MCMBP: variants seen among roughly 807,000 people sequenced by gnomAD.
MCMBP encodes minichromosome maintenance complex binding protein, also known as mini-chromosome maintenance complex-binding protein.
In MCMBP, 31 loss-of-function variants were observed where a neutral mutation model predicts 81.3. That is an observed-to-expected ratio of 0.38 (90% CI 0.29 to 0.51). The LOEUF is 0.51. Among genes scored for constraint, MCMBP ranks in the 20% least tolerant of loss-of-function variants. The pLI is 0.87. For synonymous variants in MCMBP, 267 were observed against 275.9 expected (o/e 0.97, Z 0.32); for missense variants, 645 against 772.1 (o/e 0.84, Z 1.95).
At position 119,831,569 on chromosome 10, in the gene MCMBP, G is replaced by A. The variant is rs1214711782; in HGVS notation, c.1828C>T (p.Leu610=). The A allele has an allele frequency of 1.2e-6, 2 of 1,613,858 alleles. No homozygotes were observed. The highest frequency in any genetic ancestry group is 8.5e-7 in the Non-Finnish European group (1 of 1,179,930). The change falls in exon 16 of 16, where the codon CTG becomes TTG. Residue 610 remains leucine (L), a synonymous_variant. Transcript: ENST00000369077. ...GCTCTCAGCCATCGTTCTCTTGACA[G>A]CGTTGTCTGACCAGCACTGAGAGAC... ...CLSLSAGQTT[L]SRERWLRAKQ... is the part of the protein sequence containing the mutation.
rs758779529 is a variant in MCMBP at position 119,835,628 on chromosome 10, G to A, written c.1619C>T (p.Ala540Val). ...MEEYMNSLLS[A>V]VLPSVLNKFR... ...TTTGTTCAGCACGGAAGGCAGCACCGCTGAGAGAAGGCTGTTCATGTACTC... is the reference window on the plus strand; with the variant it reads ...TTTGTTCAGCACGGAAGGCAGCACCACTGAGAGAAGGCTGTTCATGTACTC... The change falls in exon 14 of 16, where the codon GCG becomes GTG. Residue 540 changes from alanine to valine, a missense_variant. Coordinates refer to ENST00000369077, the MANE Select transcript of MCMBP (RefSeq NM_001256378.2). The A allele has an allele frequency of 9.9e-6, 16 of 1,614,060 alleles. No individual in the cohort carries two copies. Among genetic ancestry groups the A allele is most frequent in the East Asian group, 4.5e-5 (2 of 44,898 alleles).
At chr10:119,857,282 A>T (rs1853087774) in intron 5 of MCMBP, 56 bp downstream of exon 5, 2 of 1,258,630 alleles carry the variant, frequency 1.6e-6, no homozygotes, top group Admixed American at 2.1e-5. Flanking sequence ...AAGAATAATT[A>T]AAGGCTAAGT....
At chr10:119,838,408 A>G (rs2134345651) in intron 12 of MCMBP, 127 bp downstream of exon 12, 2 of 842,182 alleles carry the variant, frequency 2.4e-6, no homozygotes, top group South Asian at 4.5e-5. Context: ...TCAAATTCAT[A>G]TGCCAAGCCT....
Position 119,853,329 on chromosome 10 carries a change from G to GC in MCMBP, c.430-136_430-135insG, listed in dbSNP as rs1319464990. Reference sequence around the variant, plus strand: ...AATGCATTTTCATAAAAGGAGGCTAGACTTCCAGTTCTGGTCATGAGAATA... The same window carrying GC: ...AATGCATTTTCATAAAAGGAGGCTAGCACTTCCAGTTCTGGTCATGAGAATA... On this transcript the variant is annotated intron_variant, in intron 5 of 15. Coordinates refer to ENST00000369077, the MANE Select transcript of MCMBP (RefSeq NM_001256378.2). 4 of 849,482 alleles carry GC rather than the reference G, an allele frequency of 4.7e-6. No homozygotes were observed. The East Asian group carries it at 8.0e-5, about 17-fold the overall frequency. The allele number at this position is 849,482 out of a possible 1,614,324, so 52.6% of individuals were successfully genotyped here. A position where few individuals can be genotyped will look rare whatever the true frequency, so the allele number is the denominator to read the frequency against.
chr10:119,843,219 T>G, intron 9 of MCMBP, 35 bp downstream of exon 9: 1 of 1,611,776 alleles, frequency 6.2e-7, no homozygotes, highest in South Asian at 1.1e-5. Flanking sequence ...AGGCTAACAG[T>G]CGATAGTTGA....
Position 119,859,095 on chromosome 10 carries a change from G to A in MCMBP, c.231C>T (p.Asp77=). The A allele has an allele frequency of 6.2e-7, 1 of 1,613,836 alleles. No homozygotes were observed. Among genetic ancestry groups the A allele is most frequent in the South Asian group, 1.1e-5 (1 of 91,064 alleles). ...KFRCMIQDMF[D]PEFYMGVYET... is the part of the protein sequence containing the mutation. Reference sequence around the variant, plus strand: ...CATAAACTCCCATGTAAAACTCAGGGTCAAACATATCCTGAATCATGCAAC... The same window carrying A: ...CATAAACTCCCATGTAAAACTCAGGATCAAACATATCCTGAATCATGCAAC... Residue 77 remains aspartate (D), a synonymous_variant, in exon 3 of 16, where the codon GAC becomes GAT. Transcript: ENST00000369077.
At chr10:119,859,932 AT>A (rs1233235125) in intron 1 of MCMBP, 48 bp from the exon 2 acceptor site, 2 of 1,363,898 alleles carry the variant, frequency 1.5e-6, no homozygotes. Flanking sequence ...GCAATATATA[AT>A]AAAAGACTAT....
At position 119,853,061 on chromosome 10, in the gene MCMBP, G is replaced by A. The variant is rs764047042; in HGVS notation, c.563C>T (p.Ala188Val). 2 of 1,614,062 alleles carry A rather than the reference G, an allele frequency of 1.2e-6. No individual in the cohort carries two copies. The highest frequency in any genetic ancestry group is 1.7e-6 in the Non-Finnish European group (2 of 1,179,960). Reference sequence around the variant, plus strand: ...TTGGCACACACTACCTGCTTGTCTGGCACCTGCATGTTGGTCTTTCTGCTT... The same window carrying A: ...TTGGCACACACTACCTGCTTGTCTGACACCTGCATGTTGGTCTTTCTGCTT... ...PNKQKDQHAG[A>V]RQAGSVGGLQ... Residue 188 changes from alanine to valine, a missense_variant, in exon 6 of 16, where the codon GCC (alanine) becomes GTC (valine). Transcript: ENST00000369077.
chr10:119,860,948 G>A (rs1433219983), intron 1 of MCMBP, among the ~76,000 whole-genome samples: 8 of 152,198 alleles, frequency 5.3e-5, no homozygotes, highest in African/African-American at 7.2e-5. Context: ...ACTCTACTGT[G>A]TAGTTACTAT....
chr10:119,863,590 G>A (rs1296559273), intron 1 of MCMBP, among the ~76,000 whole-genome samples: 22 of 151,862 alleles, frequency 1.4e-4, no homozygotes, highest in African/African-American at 4.8e-4. Flanking sequence ...TTAGCCGGGC[G>A]TGGTGGCACA....
Position 119,831,400 on chromosome 10 carries a change from G to A in MCMBP, c.*74C>T. On this transcript the variant is annotated 3_prime_UTR_variant, in exon 16 of 16. Coordinates refer to ENST00000369077, the MANE Select transcript of MCMBP (RefSeq NM_001256378.2). ...ATAGAAATTACCTATAAAACAATGT[G>A]GTATAAATGAATATCTGAATTTTAC... 3 of 1,550,732 alleles carry A rather than the reference G, an allele frequency of 1.9e-6. No homozygotes were observed. Among genetic ancestry groups the A allele is most frequent in the East Asian group, 2.3e-5 (1 of 44,260 alleles).
chr10:119,872,899 G>C (rs1853756177), upstream of MCMBP: 3 of 152,726 alleles, frequency 2.0e-5, no homozygotes, highest in African/African-American at 7.2e-5. Context: ...GAGCTCGCGT[G>C]GGGAGGGGCG....
Position 119,872,622 on chromosome 10 carries a change from G to A in MCMBP, c.-38C>T. 1 of 1,135,878 alleles carries A rather than the reference G, an allele frequency of 8.8e-7. No homozygotes were observed. The allele number at this position is 1,135,878 out of a possible 1,614,324, so 70.4% of individuals were successfully genotyped here. ...CGGGGCCGGCGAAGACCGGGCGGAG[G>A]CGATCCGCGGGCCGAGCGCGGCCGG... On this transcript the variant is annotated 5_prime_UTR_variant, in exon 1 of 16. Transcript: ENST00000369077.
chr10:119,871,132 C>G (rs1159752645), intron 1 of MCMBP, among the ~76,000 whole-genome samples: 1 of 152,056 alleles, frequency 6.6e-6, no homozygotes, highest in East Asian at 1.9e-4. Context: ...AGCACCAAAC[C>G]TTTTTACTTT....
chr10:119,863,701 C>T (rs1399278315), intron 1 of MCMBP, among the ~76,000 whole-genome samples: 1 of 122,098 alleles, frequency 8.2e-6, no homozygotes, highest in Non-Finnish European at 1.6e-5. Context: ...TGCACTCCAG[C>T]CTGGGAGACA....
chr10:119,866,827 G>A (rs935765799), intron 1 of MCMBP, among the ~76,000 whole-genome samples: 2 of 152,140 alleles, frequency 1.3e-5, no homozygotes, highest in African/African-American at 4.8e-5. Context: ...GCTGGGTGTG[G>A]TGGCAGGCGC....
At chr10:119,834,904 C>A (rs1369950713) in intron 14 of MCMBP, among the ~76,000 whole-genome samples, 1 of 149,396 alleles carries the variant, frequency 6.7e-6, no homozygotes, top group African/African-American at 2.5e-5. Context: ...ACAAGTAGAC[C>A]TGCCATGCAA....
At chr10:119,843,881 C>T (rs780056476) in intron 8 of MCMBP, among the ~76,000 whole-genome samples, 7 of 152,064 alleles carry the variant, frequency 4.6e-5, no homozygotes, top group Non-Finnish European at 8.8e-5. Flanking sequence ...AGGCTGGTCT[C>T]GAACTCCTGA....
chr10:119,851,440 T>C (rs1018228014), intron 6 of MCMBP, among the ~76,000 whole-genome samples: 4 of 152,140 alleles, frequency 2.6e-5, no homozygotes, highest in African/African-American at 9.7e-5. Context: ...TAAGTTACTA[T>C]GATATTTATT....
Sources: allele counts gnomAD v4.1 joint callset (sites outside exome capture counted in the v4.1 genomes callset), GRCh38; gene constraint gnomAD v4.1.1; transcripts MANE v1.5; gene names NCBI Gene and HGNC (gene_info 2026-07-23, HGNC 2026-07-21).